The following CNTNAP3 variants were observed in gnomAD, a reference collection of about 807,000 sequenced individuals.
The protein encoded by CNTNAP3 is contactin-associated protein-like 3.
CNTNAP3 carries 36 observed loss-of-function variants against 92.1 expected under a neutral mutation model. The ratio of observed to expected loss-of-function variants is 0.39; its 90% CI spans 0.30 to 0.52. The LOEUF is 0.52. Among genes scored for constraint, CNTNAP3 ranks in the 20% least tolerant of loss-of-function variants. The pLI, the probability that CNTNAP3 is intolerant of heterozygous loss-of-function variation, is 0.76. For synonymous variants in CNTNAP3, 232 were observed against 422.3 expected, an observed-to-expected ratio of 0.55 and a Z score of 5.53; for missense variants, 534 against 1,069.6, an observed-to-expected ratio of 0.50 and a Z score of 6.98.
chr9:39,065,661 C>T lies in CNTNAP3; in HGVS notation c.*8229G>A, dbSNP rs1825494512. 6.6e-6 allele frequency among the ~76,000 whole-genome samples: 1 copy of T among 152,194 alleles called. No homozygotes were observed. Among genetic ancestry groups the T allele is most frequent in the Admixed American group, 6.5e-5 (1 of 15,282 alleles). Reference sequence around the variant, plus strand: ...TACTGACAATATTTTTAATCATAACCATTTTAGTGGGAAGAATAACTCACT... The same window carrying T: ...TACTGACAATATTTTTAATCATAACTATTTTAGTGGGAAGAATAACTCACT... On this transcript the variant is annotated 3_prime_UTR_variant, in exon 24 of 24. Coordinates refer to ENST00000297668, the MANE Select transcript of CNTNAP3 (RefSeq NM_033655.5).
chr9:39,101,276 C>T (rs935522483), intron 17 of CNTNAP3, among the ~76,000 whole-genome samples: 1 of 151,276 alleles, frequency 6.6e-6, no homozygotes, highest in Non-Finnish European at 1.5e-5. Flanking sequence ...CGTGGGTTCA[C>T]GTGTAGCATT....
At chr9:39,131,502 C>T (rs1377854948) in intron 13 of CNTNAP3, among the ~76,000 whole-genome samples, 1 of 151,538 alleles carries the variant, frequency 6.6e-6, no homozygotes, top group Non-Finnish European at 1.5e-5. Flanking sequence ...CAGATGCCGA[C>T]TGCACAGGTC....
chr9:39,149,151 G>C (rs964798131), intron 10 of CNTNAP3, among the ~76,000 whole-genome samples: 3 of 152,134 alleles, frequency 2.0e-5, no homozygotes, highest in Admixed American at 1.3e-4. Flanking sequence ...TTGGGTGGCT[G>C]ATGAATAGTA....
At chr9:39,094,482 T>C (rs1422465997) in intron 18 of CNTNAP3, among the ~76,000 whole-genome samples, 1 of 151,668 alleles carries the variant, frequency 6.6e-6, no homozygotes, top group Admixed American at 6.6e-5. Flanking sequence ...CTAAAAATTT[T>C]ATAGTTTTAT....
At chr9:39,144,943 T>A (rs1214719443) in intron 10 of CNTNAP3, among the ~76,000 whole-genome samples, 23 of 151,332 alleles carry the variant, frequency 1.5e-4, no homozygotes, top group Non-Finnish European at 2.8e-4. Context: ...ACAATTCTTA[T>A]TAAAATCCCA....
chr9:39,084,073 T>C (rs990698252), intron 21 of CNTNAP3, among the ~76,000 whole-genome samples: 1 of 152,090 alleles, frequency 6.6e-6, no homozygotes, highest in Non-Finnish European at 1.5e-5. Context: ...TTATTAGAAT[T>C]GCTCATATAT....
chr9:39,085,136 T>A (rs888079486), intron 21 of CNTNAP3: 3 of 137,600 alleles, frequency 2.2e-5, no homozygotes, highest in African/African-American at 9.4e-5. Flanking sequence ...AATGTAAAGC[T>A]AACTGTGCTT....
chr9:39,117,658 T>C (rs1278075461), intron 14 of CNTNAP3, among the ~76,000 whole-genome samples: 8 of 152,188 alleles, frequency 5.3e-5, no homozygotes, highest in Admixed American at 4.6e-4. Flanking sequence ...ACAGTCCTTT[T>C]ATGCAGGACC....
intron 11 of CNTNAP3, among the ~76,000 whole-genome samples, chr9:39,143,787 T>C (rs1821632991): frequency 1.3e-5 from 2 of 152,182 alleles, no homozygotes; most frequent in Non-Finnish European, 2.9e-5. Context: ...AATCCCATGA[T>C]TGCATCATCC....
chr9:39,116,322 G>A (rs916339791), intron 14 of CNTNAP3, among the ~76,000 whole-genome samples: 1 of 152,046 alleles, frequency 6.6e-6, no homozygotes, highest in African/African-American at 2.4e-5. Flanking sequence ...GAACAGCCAG[G>A]AGCTGGAGGG....
rs1298375215 is a variant in CNTNAP3, at chr9:39,102,617, C to A, written c.2635G>T (p.Val879Leu). 3.6e-6 allele frequency: 5 copies of A among 1,395,656 alleles called. No homozygotes were observed. Among genetic ancestry groups the A allele is most frequent in the African/African-American group, 1.4e-5 (1 of 69,498 alleles). The allele number at this position is 1,395,656 out of a possible 1,614,324, so 86.5% of individuals were successfully genotyped here. A position where few individuals can be genotyped will look rare whatever the true frequency, so the allele number is the denominator to read the frequency against. ...TPFNDNQWHH[V>L]RAERNVKGAS... ...CCTTTAACATTTCTCTCTGCCCTCA[C>A]GTGGTGCCACTGATTGTCATTAAAG... The change falls in exon 17 of 24, where the codon GTG becomes TTG. Residue 879 changes from valine to leucine, a missense_variant. Transcript: ENST00000297668.
At chr9:39,094,175 T>TG (rs940564129) in intron 18 of CNTNAP3, among the ~76,000 whole-genome samples, 2 of 151,658 alleles carry the variant, frequency 1.3e-5, no homozygotes, top group African/African-American at 4.8e-5. Flanking sequence ...TATATCTTTT[T>TG]GGAGAAATGT....
intron 18 of CNTNAP3, among the ~76,000 whole-genome samples, chr9:39,096,747 G>A (rs2990124): frequency 6.6e-6 from 1 of 151,764 alleles, no homozygotes; most frequent in Non-Finnish European, 1.5e-5. Flanking sequence ...AGATTAGAAG[G>A]TAGCTGTTGA....
rs1160573553 is a variant in CNTNAP3, at chr9:39,206,499, C to T, written c.391-13224G>A. ...TTATGGGGATTCTTATCAGTTAGTG[C>T]CTTTTTCATTCATTTGTCCAGGATG... On this transcript the variant is annotated intron_variant, in intron 3 of 23. Coordinates refer to ENST00000297668, the MANE Select transcript of CNTNAP3 (RefSeq NM_033655.5). 5.3e-4 allele frequency among the ~76,000 whole-genome samples: 12 copies of T among 22,544 alleles called. 6 individuals are homozygous for T. Among genetic ancestry groups the T allele is most frequent in the Admixed American group, 1.7e-3 (2 of 1,186 alleles). 14.8% of individuals were successfully genotyped at this position (22,544 alleles called of 152,430 possible).
At chr9:39,145,117 T>G (rs866278516) in intron 10 of CNTNAP3, among the ~76,000 whole-genome samples, 2 of 138,804 alleles carry the variant, frequency 1.4e-5, no homozygotes, top group South Asian at 4.7e-4. Context: ...GGGCCTAGCA[T>G]GCCTGCCTCT....
At chr9:39,248,579 C>CA (rs1554654058) in intron 2 of CNTNAP3, among the ~76,000 whole-genome samples, 4 of 10,634 alleles carry the variant, frequency 3.8e-4, no homozygotes, top group South Asian at 0.012. Flanking sequence ...TTTGCATTTA[C>CA]TTTTTTTTTT....
rs1472045981 is a variant in CNTNAP3, at chr9:39,073,474, A to C, written c.*416T>G. 3.3e-6 allele frequency: 1 copy of C among 302,650 alleles called. No individual in the cohort carries two copies. Among genetic ancestry groups the C allele is most frequent in the African/African-American group, 2.2e-5 (1 of 45,872 alleles). The allele number at this position is 302,650 out of a possible 1,614,324, so 18.7% of individuals were successfully genotyped here. A position where few individuals can be genotyped will look rare whatever the true frequency, so the allele number is the denominator to read the frequency against. ...ATTAAAGTGCAATTTTGTCTTTTACATCTGAACAAAAGTTCTGTCATTTTT... is the reference window on the plus strand; with the variant it reads ...ATTAAAGTGCAATTTTGTCTTTTACCTCTGAACAAAAGTTCTGTCATTTTT... On this transcript the variant is annotated 3_prime_UTR_variant, in exon 24 of 24. Transcript: ENST00000297668.
At chr9:39,102,811 A>C in intron 16 of CNTNAP3, 96 bp from the exon 17 acceptor site, 1 of 1,240,660 alleles carries the variant, frequency 8.1e-7, no homozygotes, top group South Asian at 1.3e-5. Flanking sequence ...TCAGGATGGA[A>C]GGAGATAATG....
chr9:39,109,154 A>G lies in CNTNAP3; in HGVS notation c.2365+6T>C, dbSNP rs1377313838. The G allele has an allele frequency of 6.2e-7, 1 of 1,609,308 alleles. No homozygotes were observed. Among genetic ancestry groups the G allele is most frequent in the Non-Finnish European group, 8.5e-7 (1 of 1,178,848 alleles). On this transcript the variant is annotated splice_donor_region_variant and intron_variant, in intron 15 of 23. Transcript: ENST00000297668. ...GAAAATAAAGCTTTTTCTTGACACTACTTACGATCTCCGCGGCAGAGCAGT... is the reference window on the plus strand; with the variant it reads ...GAAAATAAAGCTTTTTCTTGACACTGCTTACGATCTCCGCGGCAGAGCAGT...
Sources: gnomAD v4.1 joint callset for allele counts (sites outside exome capture counted in the v4.1 genomes callset) on GRCh38, gnomAD v4.1.1 for gene constraint, MANE v1.5 for transcripts, NCBI Gene and HGNC (gene_info 2026-07-23, HGNC 2026-07-21) for gene names.